CNDP1: variants seen among roughly 807,000 people sequenced by gnomAD.
The protein encoded by CNDP1 is carnosine dipeptidase 1.
A neutral mutation model predicts 58.1 loss-of-function variants in CNDP1; 44 were observed. The ratio of observed to expected loss-of-function variants is 0.76; its 90% CI spans 0.60 to 0.97. The LOEUF (loss-of-function observed/expected upper bound fraction) is 0.97. Among genes scored for constraint, CNDP1 ranks in the 50% least tolerant of loss-of-function variants. The pLI is 0.00. For missense variants in CNDP1, 616 were observed against 655.1 expected (o/e 0.94, Z 0.65); for synonymous variants, 254 against 252.6 (o/e 1.01, Z -0.05).
At position 74,535,872 on chromosome 18, in the gene CNDP1, C is replaced by T. The variant is rs551588599; in HGVS notation, c.24+1181C>T. On this transcript the variant is annotated intron_variant, in intron 1 of 11. Transcript: ENST00000358821. ...CATAGTGAGACCCTGACTCTACAAACAATTTTAAAAGTAGCCAGGCAGGGT... is the reference window on the plus strand; with the variant it reads ...CATAGTGAGACCCTGACTCTACAAATAATTTTAAAAGTAGCCAGGCAGGGT... Among the ~76,000 whole-genome samples, 14 of 152,088 alleles carry T rather than the reference C, an allele frequency of 9.2e-5. No individual in the cohort carries two copies. The East Asian group carries it at 2.7e-3, about 29-fold the overall frequency.
Position 74,584,749 on chromosome 18 carries a change from G to A in CNDP1, c.*187G>A, listed in dbSNP as rs1981870042. ...TTTCAAAGGCACAGATGTTGGAAAT[G>A]GTTTAAGGTCCCCCACTGCACACCT... On this transcript the variant is annotated 3_prime_UTR_variant, in exon 12 of 12. Coordinates refer to ENST00000358821, the MANE Select transcript of CNDP1 (RefSeq NM_032649.6). The A allele has an allele frequency of 1.8e-6, 1 of 569,830 alleles. No individual in the cohort carries two copies. The highest frequency in any genetic ancestry group is 3.0e-5 in the Admixed American group (1 of 33,230). The allele number at this position is 569,830 out of a possible 1,614,324, so 35.3% of individuals were successfully genotyped here.
At chr18:74,537,036 T>C (rs1568289216) in intron 1 of CNDP1, among the ~76,000 whole-genome samples, 2 of 152,324 alleles carry the variant, frequency 1.3e-5, no homozygotes, top group South Asian at 4.1e-4. Context: ...GGATATTAGA[T>C]CTTGGTCAGA....
intron 1 of CNDP1, among the ~76,000 whole-genome samples, chr18:74,541,765 G>A (rs1385245987): frequency 6.6e-6 from 1 of 152,124 alleles, no homozygotes; most frequent in African/African-American, 2.4e-5. Context: ...GCCCCACAAT[G>A]CCCCAGTGTT....
chr18:74,565,286 C>G (rs1339668920), intron 5 of CNDP1, among the ~76,000 whole-genome samples: 1 of 152,170 alleles, frequency 6.6e-6, no homozygotes, highest in Non-Finnish European at 1.5e-5. Context: ...CATTCCACCC[C>G]TGGCCCCTCC....
chr18:74,571,509 A>G (rs1361161876), intron 7 of CNDP1, among the ~76,000 whole-genome samples: 1 of 152,276 alleles, frequency 6.6e-6, no homozygotes, highest in East Asian at 1.9e-4. Flanking sequence ...ACATTGTGAC[A>G]CATAGCCATA....
chr18:74,560,733 G>A (rs190863906), intron 3 of CNDP1, 123 bp from the exon 4 acceptor site: 6 of 890,346 alleles, frequency 6.7e-6, no homozygotes, highest in Admixed American at 2.1e-5. Context: ...ACTCATTTTA[G>A]AGATGGAGAA....
chr18:74,535,580 C>T (rs200088924), intron 1 of CNDP1, among the ~76,000 whole-genome samples: 20 of 106,382 alleles, frequency 1.9e-4, no homozygotes, highest in East Asian at 1.4e-3. Flanking sequence ...CCATTGCTGA[C>T]TTTTTTTTTT....
At chr18:74,584,082 G>A in intron 11 of CNDP1, 1 of 300,526 alleles carries the variant, frequency 3.3e-6, no homozygotes, top group Non-Finnish European at 6.2e-6. Flanking sequence ...TGGGGGGTTA[G>A]GGGTTCAACA....
intron 1 of CNDP1, among the ~76,000 whole-genome samples, chr18:74,540,107 C>G (rs899083274): frequency 8.8e-6 from 1 of 113,520 alleles, no homozygotes; most frequent in Admixed American, 8.6e-5. Context: ...ACTGGTCTTT[C>G]GAATCAGAAT....
At chr18:74,560,264 T>C (rs1981154551) in intron 3 of CNDP1, among the ~76,000 whole-genome samples, 1 of 152,206 alleles carries the variant, frequency 6.6e-6, no homozygotes, top group African/African-American at 2.4e-5. Flanking sequence ...TCCACCCGCC[T>C]TGGCTTCCCA....
At chr18:74,575,000 G>GAAGGA (rs1981589336) in intron 7 of CNDP1, among the ~76,000 whole-genome samples, 1 of 140,926 alleles carries the variant, frequency 7.1e-6, no homozygotes, top group Non-Finnish European at 1.5e-5. Flanking sequence ...AGGAAGAAAG[G>GAAGGA]AAGGAAAGGA....
rs1042765145 is a variant in CNDP1, at chr18:74,545,939, C to T, written c.25-10399C>T. Among the ~76,000 whole-genome samples the T allele has an allele frequency of 6.6e-6, 1 of 152,190 alleles. No homozygotes were observed. Among genetic ancestry groups the T allele is most frequent in the African/African-American group, 2.4e-5 (1 of 41,430 alleles). ...ACCTCTCACCCCTCAAAACCGAGAGCCATGCCCTGTTTCCCCATTGGAAAC... is the reference window on the plus strand; with the variant it reads ...ACCTCTCACCCCTCAAAACCGAGAGTCATGCCCTGTTTCCCCATTGGAAAC... On this transcript the variant is annotated intron_variant, in intron 1 of 11. Transcript: ENST00000358821. This position sits in a 1 kb window ranked among gnomAD's most constrained non-coding sequence, Gnocchi z 4.1.
rs1263669234 is a variant in CNDP1, at chr18:74,534,525, G to A, written c.-143G>A. On this transcript the variant is annotated 5_prime_UTR_variant, in exon 1 of 12. Transcript: ENST00000358821. Reference sequence around the variant, plus strand: ...AGATGTGAATAGCTCCACTATACCAGCCTCGTCTTCCTTCCGGGGGACAAC... The same window carrying A: ...AGATGTGAATAGCTCCACTATACCAACCTCGTCTTCCTTCCGGGGGACAAC... 1 of 797,928 alleles carries A rather than the reference G, an allele frequency of 1.3e-6. No individual in the cohort carries two copies. Among genetic ancestry groups the A allele is most frequent in the Non-Finnish European group, 2.1e-6 (1 of 470,476 alleles). The allele number at this position is 797,928 out of a possible 1,614,324, so 49.4% of individuals were successfully genotyped here.
intron 1 of CNDP1, among the ~76,000 whole-genome samples, chr18:74,543,464 G>A (rs983918814): frequency 4.6e-5 from 7 of 152,040 alleles, no homozygotes; most frequent in Non-Finnish European, 7.4e-5. Context: ...CTGTACTCCA[G>A]CCTGGGCAAC....
chr18:74,560,622 C>T (rs959701865), intron 3 of CNDP1, among the ~76,000 whole-genome samples: 4 of 151,978 alleles, frequency 2.6e-5, no homozygotes, highest in Non-Finnish European at 5.9e-5. Context: ...ATGGGAGAAT[C>T]ACTTGAGCCT....
intron 10 of CNDP1, among the ~76,000 whole-genome samples, chr18:74,582,832 T>C (rs900334024): frequency 1.4e-4 from 22 of 152,196 alleles, no homozygotes; most frequent in African/African-American, 4.3e-4. Flanking sequence ...TTAACAACAT[T>C]GCACCGTTGT....
chr18:74,551,558 G>A (rs1176187303), intron 1 of CNDP1, among the ~76,000 whole-genome samples: 1 of 152,054 alleles, frequency 6.6e-6, no homozygotes, highest in African/African-American at 2.4e-5. Flanking sequence ...GGAGGGAGAG[G>A]AGGAAATTCA....
chr18:74,548,835 T>C (rs1240727216), intron 1 of CNDP1, among the ~76,000 whole-genome samples: 1 of 152,208 alleles, frequency 6.6e-6, no homozygotes, highest in African/African-American at 2.4e-5. Context: ...AGCTCACCCA[T>C]GTTATGCCTT....
At position 74,584,877 on chromosome 18, in the gene CNDP1, C is replaced by T. The variant is rs993603094; in HGVS notation, c.*315C>T. 5 of 259,418 alleles carry T rather than the reference C, an allele frequency of 1.9e-5. No individual in the cohort carries two copies. The highest frequency in any genetic ancestry group is 9.7e-5 in the Admixed American group (2 of 20,670). The allele number at this position is 259,418 out of a possible 1,614,324, so 16.1% of individuals were successfully genotyped here. A position where few individuals can be genotyped will look rare whatever the true frequency, so the allele number is the denominator to read the frequency against. ...ACCTTTTAGCATATCTCCAACCTTG[C>T]AATTTGATTGGCATAATCACTCCAG... On this transcript the variant is annotated 3_prime_UTR_variant, in exon 12 of 12. Transcript: ENST00000358821.
Sources: gnomAD v4.1 joint callset for allele counts (sites outside exome capture counted in the v4.1 genomes callset) on GRCh38, gnomAD v4.1.1 for gene constraint, Gnocchi (gnomAD v3.1) non-coding constraint, MANE v1.5 for transcripts, NCBI Gene and HGNC (gene_info 2026-07-23, HGNC 2026-07-21) for gene names.